Variants in SCGN observed in about 807,000 individuals in gnomAD.
SCGN encodes the protein secretagogin.
SCGN carries 30 observed loss-of-function variants against 39.7 expected under a neutral mutation model. That is an observed-to-expected ratio of 0.76 (90% confidence interval 0.57 to 1.03). The LOEUF (loss-of-function observed/expected upper bound fraction) is 1.03, where lower values mean the gene tolerates loss of function less well. SCGN is among the 50% of genes least tolerant of loss of function. SCGN has a pLI of 0.00. For missense variants in SCGN, 353 were observed against 349.4 expected (o/e 1.01, Z -0.08); for synonymous variants, 106 against 114.1 (o/e 0.93, Z 0.45).
chr6:25,667,598 A>T (rs148647617), intron 4 of SCGN, among the ~76,000 whole-genome samples: 1 of 152,102 alleles, frequency 6.6e-6, no homozygotes, highest in Admixed American at 6.5e-5. Context: ...CAATTTGCCC[A>T]TGTGTCACCA....
intron 6 of SCGN, 62 bp from the exon 7 acceptor site, chr6:25,681,889 T>A: frequency 2.8e-6 from 4 of 1,408,760 alleles, no homozygotes; most frequent in Non-Finnish European, 4.0e-6. Context: ...AGAAAAGTGC[T>A]TTAATAACGT....
chr6:25,693,194 G>A (rs1032120024), intron 10 of SCGN, among the ~76,000 whole-genome samples: 5 of 152,142 alleles, frequency 3.3e-5, no homozygotes, highest in Non-Finnish European at 5.9e-5. Context: ...GCTCATGCCT[G>A]TAATCCTAGC....
In SCGN at chr6:25,701,706, G is replaced by A. The variant is rs899504672; in HGVS notation, c.*371G>A. The A allele has an allele frequency of 6.2e-6, 1 of 160,124 alleles. No homozygotes were observed. The highest frequency in any genetic ancestry group is 1.3e-5 in the Non-Finnish European group (1 of 75,046). 9.9% of individuals were successfully genotyped at this position (160,124 alleles called of 1,614,324 possible). ...TTTCTGCTTAGTCTGAAAGGTGTGTGGCATTCATGGCAATCCTGTAACTTC... is the reference window on the plus strand; with the variant it reads ...TTTCTGCTTAGTCTGAAAGGTGTGTAGCATTCATGGCAATCCTGTAACTTC... On this transcript the variant is annotated 3_prime_UTR_variant, in exon 11 of 11. Transcript: ENST00000377961.
chr6:25,653,524 T>A, intron 2 of SCGN, 72 bp downstream of exon 2: 1 of 1,102,066 alleles, frequency 9.1e-7, no homozygotes, highest in Non-Finnish European at 1.4e-6. Flanking sequence ...TTATATTGAT[T>A]GGTACCTATT....
chr6:25,699,501 A>G (rs1759879888), intron 10 of SCGN, among the ~76,000 whole-genome samples: 1 of 145,626 alleles, frequency 6.9e-6, no homozygotes, highest in Admixed American at 7.0e-5. Context: ...GAGGCTGGAG[A>G]GTTGCTTGAA....
At chr6:25,676,514 T>C (rs1008942906) in intron 6 of SCGN, among the ~76,000 whole-genome samples, 2 of 152,242 alleles carry the variant, frequency 1.3e-5, no homozygotes, top group Non-Finnish European at 2.9e-5. Flanking sequence ...CCACAGGTTC[T>C]TTGCACTTGC....
chr6:25,675,886 T>C (rs932319), intron 6 of SCGN, among the ~76,000 whole-genome samples: 123,947 of 152,166 alleles, frequency 0.81, 50,726 homozygotes, highest in African/African-American at 0.88. Flanking sequence ...GGCTGACCAC[T>C]CTTGATTTAT....
intron 6 of SCGN, chr6:25,678,663 C>G (rs969322226): frequency 6.6e-6 from 1 of 152,350 alleles, no homozygotes; most frequent in Non-Finnish European, 1.5e-5. Flanking sequence ...CAACCTCAAC[C>G]CACCACCCAG....
rs150167817 is a variant in SCGN at position 25,680,538 on chromosome 6, T to C, written c.472-1413T>C. On this transcript the variant is annotated intron_variant, in intron 6 of 10. Transcript: ENST00000377961. ...TTTCGAGCACAGGATTGTTTTCTCTTGGAGTAAGTTTGCACAGCAATGGAG... is the reference window on the plus strand; with the variant it reads ...TTTCGAGCACAGGATTGTTTTCTCTCGGAGTAAGTTTGCACAGCAATGGAG... Among the ~76,000 whole-genome samples the C allele has an allele frequency of 1.9e-4, 29 of 152,354 alleles. No homozygotes were observed. In the East Asian group the frequency reaches 5.6e-3, roughly 29 times the overall value.
At chr6:25,667,901 A>G (rs1759415268) in intron 4 of SCGN, among the ~76,000 whole-genome samples, 1 of 152,240 alleles carries the variant, frequency 6.6e-6, no homozygotes, top group Admixed American at 6.5e-5. Context: ...AGCATGCAAA[A>G]AATTTTTAAA....
rs115596167 is a variant in SCGN at position 25,656,293 on chromosome 6, A to G, written c.153+2841A>G. 5.0e-3 allele frequency among the ~76,000 whole-genome samples: 760 copies of G among 152,282 alleles called. 3 individuals are homozygous for G. The highest frequency in any genetic ancestry group is 0.017 in the African/African-American group (723 of 41,560). On this transcript the variant is annotated intron_variant, in intron 2 of 10. Coordinates refer to ENST00000377961, the MANE Select transcript of SCGN (RefSeq NM_006998.4). The stretch of plus-strand genomic sequence containing the variant: ...TCTGGTGTTCAGCAGTGGTAAGCCA[A>G]CCTTCAGAGGCATGAATAGCTCTAC...
At chr6:25,655,061 C>A (rs114651013) in intron 2 of SCGN, among the ~76,000 whole-genome samples, 2,230 of 152,296 alleles carry the variant, frequency 0.015, 49 homozygotes, top group African/African-American at 0.043. Flanking sequence ...CACAGGGCTT[C>A]TACTTATATC....
At chr6:25,697,143 C>A (rs1175650879) in intron 10 of SCGN, among the ~76,000 whole-genome samples, 1 of 152,104 alleles carries the variant, frequency 6.6e-6, no homozygotes, top group Admixed American at 6.5e-5. Context: ...TAAAGGAACA[C>A]CAATGTAATT....
chr6:25,655,301 G>GCT (rs1760208052), intron 2 of SCGN, among the ~76,000 whole-genome samples: 1 of 152,208 alleles, frequency 6.6e-6, no homozygotes. Flanking sequence ...CACTGTTGAA[G>GCT]CTGGAGTATC....
At chr6:25,686,789 A>T (rs1387056198) in intron 7 of SCGN, among the ~76,000 whole-genome samples, 1 of 152,036 alleles carries the variant, frequency 6.6e-6, no homozygotes, top group Non-Finnish European at 1.5e-5. Flanking sequence ...GCTCATGAAG[A>T]TTTACCCGTT....
At chr6:25,660,396 A>T (rs1337734757) in intron 2 of SCGN, among the ~76,000 whole-genome samples, 1 of 152,190 alleles carries the variant, frequency 6.6e-6, no homozygotes, top group Non-Finnish European at 1.5e-5. Context: ...TCTTTTGCTG[A>T]CTATAATATC....
intron 6 of SCGN, among the ~76,000 whole-genome samples, chr6:25,676,268 A>G (rs1759561780): frequency 6.6e-6 from 1 of 152,138 alleles, no homozygotes; most frequent in South Asian, 2.1e-4. Context: ...TACCATCTCT[A>G]TGAAACACAG....
chr6:25,697,207 G>A (rs1380853354), intron 10 of SCGN, among the ~76,000 whole-genome samples: 1 of 152,194 alleles, frequency 6.6e-6, no homozygotes, highest in Non-Finnish European at 1.5e-5. Context: ...AACAAGCAGA[G>A]GCTTGTTGGT....
At chr6:25,681,433 T>C (rs137998379) in intron 6 of SCGN, among the ~76,000 whole-genome samples, 46 of 152,360 alleles carry the variant, frequency 3.0e-4, no homozygotes, top group Non-Finnish European at 5.3e-4. Flanking sequence ...ATAAAAATCC[T>C]GTTTTGCCTG....
Sources: allele counts gnomAD v4.1 joint callset (sites outside exome capture counted in the v4.1 genomes callset), GRCh38; gene constraint gnomAD v4.1.1; transcripts MANE v1.5; gene names NCBI Gene and HGNC (gene_info 2026-07-23, HGNC 2026-07-21).